The following PABPC4L variants were observed in gnomAD, a reference collection of about 807,000 sequenced individuals.
PABPC4L encodes poly(A) binding protein cytoplasmic 4 like, also known as polyadenylate-binding protein 4-like.
For missense variants in PABPC4L, 452 were observed against 451.4 expected, an observed-to-expected ratio of 1.00 and a Z score of -0.01; for synonymous variants, 169 against 164.1, an observed-to-expected ratio of 1.03 and a Z score of -0.23.
chr4:134,128,727 T>A, the PABPC4L span, among the ~76,000 whole-genome samples: 1 of 151,642 alleles, frequency 6.6e-6, no homozygotes, highest in Non-Finnish European at 1.5e-5. Context: ...TCTCATAGGA[T>A]CTACAAAAAA....
At chr4:134,081,065 A>G in the PABPC4L span, among the ~76,000 whole-genome samples, 13 of 152,188 alleles carry the variant, frequency 8.5e-5, no homozygotes, top group Admixed American at 2.6e-4. Flanking sequence ...TATCCAATAC[A>G]TATTTTAAAA....
At chr4:134,155,080 C>T in the PABPC4L span, among the ~76,000 whole-genome samples, 4 of 152,004 alleles carry the variant, frequency 2.6e-5, no homozygotes, top group African/African-American at 4.8e-5. Context: ...TCATATGGCA[C>T]AAATGGTATT....
chr4:133,996,236 G>A, the PABPC4L span, among the ~76,000 whole-genome samples: 1 of 152,048 alleles, frequency 6.6e-6, no homozygotes, highest in African/African-American at 2.4e-5. Context: ...TGTAGAGTGG[G>A]ACCAAAGCAG....
chr4:133,951,504 G>C, the PABPC4L span, among the ~76,000 whole-genome samples: 1 of 152,150 alleles, frequency 6.6e-6, no homozygotes, highest in Non-Finnish European at 1.5e-5. Context: ...CTACCAGCAG[G>C]GCCTTGGCAG....
At chr4:134,134,372 T>G in the PABPC4L span, among the ~76,000 whole-genome samples, 2 of 151,998 alleles carry the variant, frequency 1.3e-5, no homozygotes, top group African/African-American at 4.8e-5. Flanking sequence ...GAACTTAGAT[T>G]AAAAAAGTGG....
At chr4:134,153,568 C>T in the PABPC4L span, among the ~76,000 whole-genome samples, 1 of 151,864 alleles carries the variant, frequency 6.6e-6, no homozygotes, top group Non-Finnish European at 1.5e-5. Flanking sequence ...AGCTAAAGGC[C>T]GTATACTTTT....
chr4:134,124,148 A>C, the PABPC4L span, among the ~76,000 whole-genome samples: 434 of 152,210 alleles, frequency 2.9e-3, 2 homozygotes, highest in Non-Finnish European at 4.1e-3. Context: ...TACCTGTAAT[A>C]AGTACTGTGA....
the PABPC4L span, among the ~76,000 whole-genome samples, chr4:134,064,250 A>C: frequency 0.13 from 19,207 of 152,002 alleles, 1,550 homozygotes; most frequent in East Asian, 0.43. Context: ...GATGAATGCC[A>C]AAAAGAAATT....
the PABPC4L span, among the ~76,000 whole-genome samples, chr4:133,985,982 G>A: frequency 1.3e-5 from 2 of 151,988 alleles, no homozygotes; most frequent in Admixed American, 6.6e-5. Flanking sequence ...TCTGCAGAAC[G>A]TTACAGCACT....
the PABPC4L span, among the ~76,000 whole-genome samples, chr4:134,130,748 C>T: frequency 1.1e-4 from 17 of 151,940 alleles, no homozygotes; most frequent in African/African-American, 3.9e-4. Flanking sequence ...CCCTTATGAA[C>T]ATAGATGCAA....
the PABPC4L span, among the ~76,000 whole-genome samples, chr4:134,013,192 C>T: frequency 2.6e-5 from 4 of 151,984 alleles, no homozygotes; most frequent in Non-Finnish European, 5.9e-5. Flanking sequence ...TCTCCTTCAC[C>T]CTTAGCGGCA....
At chr4:134,193,423 C>T (rs79819120), downstream of PABPC4L, among the ~76,000 whole-genome samples, 174 of 151,918 alleles carry the variant, frequency 1.1e-3, 6 homozygotes, top group East Asian at 0.03. Flanking sequence ...TGAAGGTGAT[C>T]CTCCCCAGCT....
downstream of PABPC4L, among the ~76,000 whole-genome samples, chr4:134,194,690 A>G (rs998060874): frequency 1.6e-4 from 25 of 151,782 alleles, no homozygotes; most frequent in Non-Finnish European, 4.4e-5. Context: ...TTCCACCTGT[A>G]CAGTACACAG....
chr4:134,102,402 A>ACC, the PABPC4L span, among the ~76,000 whole-genome samples: 1 of 151,544 alleles, frequency 6.6e-6, no homozygotes, highest in Non-Finnish European at 1.5e-5. Context: ...CACCTAGGAC[A>ACC]TTAAAAAAAA....
chr4:134,056,386 T>C, the PABPC4L span, among the ~76,000 whole-genome samples: 22,684 of 151,946 alleles, frequency 0.15, 1,998 homozygotes, highest in Non-Finnish European at 0.19. Flanking sequence ...ATTACTGTGA[T>C]TTTGAAGGGA....
At chr4:134,184,190 G>C in the PABPC4L span, among the ~76,000 whole-genome samples, 2 of 151,876 alleles carry the variant, frequency 1.3e-5, no homozygotes, top group East Asian at 1.9e-4. Context: ...AGAACAAATA[G>C]GGGGATCTGA....
the PABPC4L span, among the ~76,000 whole-genome samples, chr4:134,129,647 T>G: frequency 1.3e-5 from 2 of 152,062 alleles, no homozygotes; most frequent in Non-Finnish European, 2.9e-5. Context: ...TAAATTTAAA[T>G]TTTTAAATTT....
At chr4:134,180,882 T>C in the PABPC4L span, among the ~76,000 whole-genome samples, 1 of 151,856 alleles carries the variant, frequency 6.6e-6, no homozygotes, top group Non-Finnish European at 1.5e-5. Flanking sequence ...ATAGGATCAG[T>C]AATAAAATGC....
chr4:134,051,403 T>C, the PABPC4L span, among the ~76,000 whole-genome samples: 4 of 152,226 alleles, frequency 2.6e-5, no homozygotes, highest in Admixed American at 6.5e-5. Context: ...TTAACTGAAA[T>C]GGTAGTAATG....
Sources: gnomAD v4.1 joint callset for allele counts (sites outside exome capture counted in the v4.1 genomes callset) on GRCh38, gnomAD v4.1.1 for gene constraint, MANE v1.5 for transcripts, NCBI Gene and HGNC (gene_info 2026-07-23, HGNC 2026-07-21) for gene names.